ABLIM2: variants seen among roughly 807,000 people sequenced by gnomAD.
ABLIM2 encodes the protein actin binding LIM protein family member 2, also known as actin-binding LIM protein 2.
Under a neutral mutation model 97.7 loss-of-function variants are expected in ABLIM2, and 53 were observed. The observed-to-expected ratio is 0.54, with a 90% CI of 0.44 to 0.68. The LOEUF (loss-of-function observed/expected upper bound fraction) is 0.68. Among genes scored for constraint, ABLIM2 ranks in the 30% least tolerant of loss-of-function variants. The probability of loss-of-function intolerance (pLI) is 0.00; values close to 1 mark genes in which losing one functional copy is unlikely to be tolerated. For missense variants in ABLIM2, 835 were observed against 867.2 expected, an observed-to-expected ratio of 0.96 and a Z score of 0.47; for synonymous variants, 361 against 345.8, an observed-to-expected ratio of 1.04 and a Z score of -0.49.
At chr4:8,014,163 C>T (rs1767060703) in intron 14 of ABLIM2, among the ~76,000 whole-genome samples, 1 of 152,244 alleles carries the variant, frequency 6.6e-6, no homozygotes, top group Non-Finnish European at 1.5e-5. Flanking sequence ...GTCTGGGACT[C>T]TGGCAGCCAG....
At chr4:7,967,234 G>T (rs906713911) in intron 20 of ABLIM2, 131 bp from the exon 21 acceptor site, 3 of 742,902 alleles carry the variant, frequency 4.0e-6, no homozygotes, top group Non-Finnish European at 7.0e-6. Flanking sequence ...CAGCGTGCTC[G>T]GCCTCCTGGC....
At position 8,067,513 on chromosome 4, in the gene ABLIM2, G is replaced by T. The variant is rs1291445296; in HGVS notation, c.676-6459C>A. 1 of 152,290 alleles carries T rather than the reference G, an allele frequency of 6.6e-6. No homozygotes were observed. The highest frequency in any genetic ancestry group is 1.5e-5 in the Non-Finnish European group (1 of 68,092). 9.4% of individuals were successfully genotyped at this position (152,290 alleles called of 1,614,324 possible). Reference sequence around the variant, plus strand: ...TGATGGCACAGCCGCGTGGCCAGGGGCAGCCGGCACCCTCACTCACAGTTC... The same window carrying T: ...TGATGGCACAGCCGCGTGGCCAGGGTCAGCCGGCACCCTCACTCACAGTTC... On this transcript the variant is annotated intron_variant, in intron 6 of 20. Transcript: ENST00000447017. This position sits in a 1 kb window ranked among gnomAD's most constrained non-coding sequence, Gnocchi z 5.4.
intron 2 of ABLIM2, among the ~76,000 whole-genome samples, chr4:8,105,612 T>C (rs922497429): frequency 2.0e-5 from 3 of 152,230 alleles, no homozygotes; most frequent in Admixed American, 6.5e-5. Context: ...AGGGTCGTTA[T>C]GGTTAAGCGA....
chr4:7,990,548 C>T (rs943704096), intron 17 of ABLIM2, among the ~76,000 whole-genome samples: 1 of 152,080 alleles, frequency 6.6e-6, no homozygotes, highest in African/African-American at 2.4e-5. Context: ...TAGTTTCCTC[C>T]TCTCCTCCTT....
At chr4:8,093,512 A>G (rs1348855648) in intron 3 of ABLIM2, among the ~76,000 whole-genome samples, 1 of 152,236 alleles carries the variant, frequency 6.6e-6, no homozygotes, top group African/African-American at 2.4e-5. Flanking sequence ...AGCAGCTTTT[A>G]GCATATTCAG....
intron 20 of ABLIM2, among the ~76,000 whole-genome samples, chr4:7,972,549 C>A (rs1218614454): frequency 6.6e-6 from 1 of 152,220 alleles, no homozygotes; most frequent in East Asian, 1.9e-4. Context: ...CACTGAGGGA[C>A]AAGATGTCTG....
Position 8,140,534 on chromosome 4 carries a change from A to G in ABLIM2, c.10+18146T>C, listed in dbSNP as rs1850818067. Among the ~76,000 whole-genome samples the G allele has an allele frequency of 6.6e-6, 1 of 152,154 alleles. No homozygotes were observed. The highest frequency in any genetic ancestry group is 1.5e-5 in the Non-Finnish European group (1 of 68,022). On this transcript the variant is annotated intron_variant, in intron 1 of 20. Transcript: ENST00000447017. This position sits in a 1 kb window ranked among gnomAD's most constrained non-coding sequence, Gnocchi z 5.9. ...CACGGGGGCCTTGCCTGCATGTGGG[A>G]GCCACACGTGGCCTCTCTTTAACCG...
chr4:7,992,756 G>T lies in ABLIM2; in HGVS notation c.1680+110C>A. ...CATCAGGCAGAGGCAGGTGGGCCGC[G>T]GGGTCCCCGGGGCCTCTCCTCCTGC... On this transcript the variant is annotated intron_variant, in intron 17 of 20. Transcript: ENST00000447017. This position sits in a 1 kb window ranked among gnomAD's most constrained non-coding sequence, Gnocchi z 5.7. The T allele has an allele frequency of 8.0e-7, 1 of 1,242,454 alleles. No homozygotes were observed. The allele number at this position is 1,242,454 out of a possible 1,614,324, so 77.0% of individuals were successfully genotyped here.
chr4:7,967,548 G>C (rs758529776), intron 20 of ABLIM2, among the ~76,000 whole-genome samples: 4 of 152,212 alleles, frequency 2.6e-5, no homozygotes, highest in Non-Finnish European at 5.9e-5. Flanking sequence ...CGTAGCCCAG[G>C]AGGGTGGGGC....
Position 8,071,694 on chromosome 4 carries a change from CCCA to C in ABLIM2, c.675+5931_675+5933del. The C allele has an allele frequency of 2.9e-6, 1 of 341,470 alleles. No individual in the cohort carries two copies. Among genetic ancestry groups the C allele is most frequent in the Non-Finnish European group, 4.1e-6 (1 of 243,744 alleles). 21.2% of individuals were successfully genotyped at this position (341,470 alleles called of 1,614,324 possible). On this transcript the variant is annotated intron_variant, in intron 6 of 20. Transcript: ENST00000447017. The surrounding 1 kb of genome is among the most constrained non-coding windows in gnomAD (Gnocchi z 6.2). ...CACCTGACTGCTCTGTCCCCAAAAA[CCCA>C]CCCACCCGCAGCCCCTCCTGGCCCC...
chr4:8,032,738 G>A lies in ABLIM2; in HGVS notation c.1048-2962C>T. ...GCTGGCGCCAGGCAGAGAGGGAGGA[G>A]GGCAGTTCCGTGACTGGCAGGCAAC... On this transcript the variant is annotated intron_variant, in intron 10 of 20. Transcript: ENST00000447017. This position sits in a 1 kb window ranked among gnomAD's most constrained non-coding sequence, Gnocchi z 4.3. 2 of 1,594,216 alleles carry A rather than the reference G, an allele frequency of 1.3e-6. No individual in the cohort carries two copies. Among genetic ancestry groups the A allele is most frequent in the Non-Finnish European group, 1.7e-6 (2 of 1,165,494 alleles).
At chr4:8,139,575 G>A (rs931441755) in intron 1 of ABLIM2, among the ~76,000 whole-genome samples, 9 of 152,194 alleles carry the variant, frequency 5.9e-5, no homozygotes, top group Non-Finnish European at 1.2e-4. Flanking sequence ...CAGTCAGAAT[G>A]GCGATTATTA....
At chr4:8,114,279 A>G (rs1841745552) in intron 1 of ABLIM2, among the ~76,000 whole-genome samples, 1 of 152,162 alleles carries the variant, frequency 6.6e-6, no homozygotes, top group African/African-American at 2.4e-5. Flanking sequence ...CCATGGGGCC[A>G]CACACACCCT....
chr4:8,158,486 C>T (rs1029381915), intron 1 of ABLIM2, among the ~76,000 whole-genome samples, 194 bp downstream of exon 1: 5 of 152,044 alleles, frequency 3.3e-5, no homozygotes, highest in Admixed American at 2.0e-4. Flanking sequence ...CGCCACTGAG[C>T]TACGCGCTCC....
chr4:8,106,481 G>C lies in ABLIM2; in HGVS notation c.154+13C>G. On this transcript the variant is annotated intron_variant, in intron 2 of 20. Coordinates refer to ENST00000447017, the MANE Select transcript of ABLIM2 (RefSeq NM_001130083.2). ...TTCAGGGGCCACACTGCAGGGGACC[G>C]GGGGACACTCACCTTTACAGACGAA... 1 of 1,586,892 alleles carries C rather than the reference G, an allele frequency of 6.3e-7. No individual in the cohort carries two copies. Among genetic ancestry groups the C allele is most frequent in the Non-Finnish European group, 8.6e-7 (1 of 1,166,692 alleles).
Position 8,091,545 on chromosome 4 carries a change from ATAT to A in ABLIM2, c.339-3264_339-3262del, listed in dbSNP as rs1561331319. On this transcript the variant is annotated intron_variant, in intron 3 of 20. Coordinates refer to ENST00000447017, the MANE Select transcript of ABLIM2 (RefSeq NM_001130083.2). The stretch of plus-strand genomic sequence containing the variant: ...TATATTATATATAAAATTATATATA[ATAT>A]TTATAATTATATATATTATATATAA... Among the ~76,000 whole-genome samples, 118 of 47,064 alleles carry A rather than the reference ATAT, an allele frequency of 2.5e-3. 16 individuals are homozygous for A. Among genetic ancestry groups the A allele is most frequent in the Non-Finnish European group, 2.9e-3 (95 of 32,556 alleles). 30.9% of individuals were successfully genotyped at this position (47,064 alleles called of 152,430 possible).
At chr4:8,029,573 C>T (rs1329347754) in intron 11 of ABLIM2, 83 bp downstream of exon 11, 546 of 1,250,800 alleles carry the variant, frequency 4.4e-4, no homozygotes, top group Non-Finnish European at 5.2e-4. Flanking sequence ...CACTTATAAC[C>T]GAAAAAAAAA....
Position 8,127,896 on chromosome 4 carries a change from C to T in ABLIM2, c.11-21259G>A, listed in dbSNP as rs1257032918. The stretch of plus-strand genomic sequence containing the variant: ...TGGGGAGCATCTGCTGACCCTTCCT[C>T]CATGTGTAGGGGCAGCAATAGTGAG... On this transcript the variant is annotated intron_variant, in intron 1 of 20. Transcript: ENST00000447017. The surrounding 1 kb of genome is among the most constrained non-coding windows in gnomAD (Gnocchi z 7.3). 6.6e-6 allele frequency among the ~76,000 whole-genome samples: 1 copy of T among 152,158 alleles called. No homozygotes were observed. Among genetic ancestry groups the T allele is most frequent in the Non-Finnish European group, 1.5e-5 (1 of 68,014 alleles).
At chr4:7,977,514 G>T (rs1461163769) in intron 20 of ABLIM2, among the ~76,000 whole-genome samples, 2 of 152,210 alleles carry the variant, frequency 1.3e-5, no homozygotes, top group Non-Finnish European at 2.9e-5. Context: ...GGGTAGGCCG[G>T]TGTGGTGGCT....
Sources: allele counts gnomAD v4.1 joint callset (sites outside exome capture counted in the v4.1 genomes callset), GRCh38; gene constraint gnomAD v4.1.1; non-coding constraint Gnocchi (gnomAD v3.1); transcripts MANE v1.5; gene names NCBI Gene and HGNC (gene_info 2026-07-23, HGNC 2026-07-21).